Variants in TSHZ3 observed in about 807,000 individuals in gnomAD.
The protein encoded by TSHZ3 is teashirt zinc finger homeobox 3, also known as teashirt homolog 3.
In TSHZ3, 10 loss-of-function variants were observed where a neutral mutation model predicts 64.5. That is an observed-to-expected ratio of 0.16 (90% confidence interval 0.10 to 0.26). The LOEUF is 0.26. TSHZ3 is among the 10% of genes least tolerant of loss of function. The pLI, the probability that TSHZ3 is intolerant of heterozygous loss-of-function variation, is 1.00. For synonymous variants in TSHZ3, 608 were observed against 593.1 expected (o/e 1.03, Z -0.36); for missense variants, 1,242 against 1,421.7 (o/e 0.87, Z 2.03).
Position 31,349,321 on chromosome 19 carries a change from G to T in TSHZ3, c.-102C>A. 8.5e-7 allele frequency: 1 copy of T among 1,176,346 alleles called. No individual in the cohort carries two copies. The highest frequency in any genetic ancestry group is 1.1e-6 in the Non-Finnish European group (1 of 887,502). 72.9% of individuals were successfully genotyped at this position (1,176,346 alleles called of 1,614,324 possible). ...GCCCGCGGGGGGGCGAGGCGGGCCTGCTCTCAGCCTCCCCCCCGGAGAGCG... is the reference window on the plus strand; with the variant it reads ...GCCCGCGGGGGGGCGAGGCGGGCCTTCTCTCAGCCTCCCCCCCGGAGAGCG... On this transcript the variant is annotated 5_prime_UTR_variant, in exon 1 of 2. Transcript: ENST00000240587.
intron 1 of TSHZ3, among the ~76,000 whole-genome samples, chr19:31,339,139 C>T (rs1050998698): frequency 3.3e-5 from 5 of 151,892 alleles, no homozygotes; most frequent in Non-Finnish European, 7.4e-5. Flanking sequence ...TCATTTCTAC[C>T]ACCCTTTGCA....
intron 5 of TSHZ3, among the ~76,000 whole-genome samples, chr19:31,165,642 G>A (rs747976731): frequency 1.4e-4 from 22 of 152,048 alleles, no homozygotes; most frequent in Non-Finnish European, 2.6e-4. Flanking sequence ...TGCACCAAAG[G>A]CTCTGCCCTG....
intron 1 of TSHZ3, among the ~76,000 whole-genome samples, chr19:31,285,861 C>T (rs148117907): frequency 7.7e-4 from 117 of 151,596 alleles, no homozygotes; most frequent in Non-Finnish European, 1.5e-3. Context: ...TCCCTCTATC[C>T]CTCTTTTCTC....
intron 1 of TSHZ3, among the ~76,000 whole-genome samples, chr19:31,263,104 G>C (rs1286479588): frequency 3.9e-5 from 6 of 152,206 alleles, no homozygotes; most frequent in Non-Finnish European, 7.3e-5. Context: ...GCATCGTGAA[G>C]GGTGGTGTGG....
At chr19:31,304,877 T>C (rs773556831) in intron 1 of TSHZ3, among the ~76,000 whole-genome samples, 2 of 152,260 alleles carry the variant, frequency 1.3e-5, no homozygotes, top group Admixed American at 1.3e-4. Flanking sequence ...CGCAGCGCAC[T>C]GGTAACTCCT....
At chr19:31,168,463 C>T (rs757881982) in intron 5 of TSHZ3, among the ~76,000 whole-genome samples, 4 of 152,180 alleles carry the variant, frequency 2.6e-5, no homozygotes, top group Non-Finnish European at 4.4e-5. Context: ...CCAAATTCAC[C>T]CTTTCAAGAT....
chr19:31,331,812 C>A (rs1177812140), intron 1 of TSHZ3, among the ~76,000 whole-genome samples: 2 of 152,148 alleles, frequency 1.3e-5, no homozygotes, highest in Non-Finnish European at 2.9e-5. Flanking sequence ...CACCAGAGCA[C>A]GCTGCACCTT....
intron 1 of TSHZ3, among the ~76,000 whole-genome samples, chr19:31,243,340 G>T (rs1273754006): frequency 1.3e-5 from 2 of 152,000 alleles, no homozygotes; most frequent in Non-Finnish European, 2.9e-5. Flanking sequence ...AATCCATGTT[G>T]GTAACTCAAC....
chr19:31,260,779 C>A (rs776587577), intron 1 of TSHZ3, among the ~76,000 whole-genome samples: 1 of 152,168 alleles, frequency 6.6e-6, no homozygotes, highest in Non-Finnish European at 1.5e-5. Context: ...AGAGAATGGC[C>A]TCCTCTTCCT....
At chr19:31,306,498 T>C (rs1916300029) in intron 1 of TSHZ3, among the ~76,000 whole-genome samples, 1 of 152,144 alleles carries the variant, frequency 6.6e-6, no homozygotes, top group Admixed American at 6.5e-5. Flanking sequence ...ATTGGCTCTT[T>C]TATCTTGAGA....
Position 31,277,592 on chromosome 19 carries a change from C to T in TSHZ3, c.2201G>A (p.Gly734Asp). The T allele has an allele frequency of 6.3e-7, 1 of 1,593,260 alleles. No individual in the cohort carries two copies. Among genetic ancestry groups the T allele is most frequent in the Non-Finnish European group, 8.6e-7 (1 of 1,169,560 alleles). Residue 734 changes from glycine to aspartate, a missense_variant, in exon 2 of 2, where the codon GGC becomes GAC. Coordinates refer to ENST00000240587, the MANE Select transcript of TSHZ3 (RefSeq NM_020856.4). This position sits in a 1 kb window ranked among gnomAD's most constrained non-coding sequence, Gnocchi z 4.5. ...AGGCAGGGAGGGCTTGGCGGCCTTGCCCAGGTGAATGTTCATGACTGACTG... is the reference window on the plus strand; with the variant it reads ...AGGCAGGGAGGGCTTGGCGGCCTTGTCCAGGTGAATGTTCATGACTGACTG... ...ALQSVMNIHL[G>D]KAAKPSLPAL...
At chr19:31,237,764 C>T (rs1161410921) in intron 3 of TSHZ3, among the ~76,000 whole-genome samples, 2 of 152,108 alleles carry the variant, frequency 1.3e-5, no homozygotes, top group African/African-American at 4.8e-5. Flanking sequence ...ATTGCTTTAG[C>T]TGTACACTGC....
chr19:31,250,986 C>A (rs553067026), intron 1 of TSHZ3, among the ~76,000 whole-genome samples: 53 of 152,208 alleles, frequency 3.5e-4, no homozygotes, highest in African/African-American at 1.2e-3. Context: ...CCCTGCCCCA[C>A]CCCACCCACC....
intron 4 of TSHZ3, among the ~76,000 whole-genome samples, chr19:31,216,389 A>G (rs1462409202): frequency 1.3e-5 from 2 of 152,006 alleles, no homozygotes; most frequent in Non-Finnish European, 2.9e-5. Flanking sequence ...CAGTAACACA[A>G]GGTAGTGTGG....
At chr19:31,243,045 A>G (rs1244849649) in intron 1 of TSHZ3, among the ~76,000 whole-genome samples, 2 of 152,158 alleles carry the variant, frequency 1.3e-5, no homozygotes, top group African/African-American at 2.4e-5. Context: ...ACCCAGAAAT[A>G]ATGCTCTATC....
intron 5 of TSHZ3, among the ~76,000 whole-genome samples, chr19:31,195,961 C>T (rs949295921): frequency 2.6e-5 from 4 of 151,840 alleles, no homozygotes; most frequent in Admixed American, 6.6e-5. Context: ...ATAGTATAGC[C>T]TACTGTACAC....
At chr19:31,218,235 CA>C (rs1484159212) in intron 4 of TSHZ3, among the ~76,000 whole-genome samples, 7 of 151,966 alleles carry the variant, frequency 4.6e-5, no homozygotes, top group African/African-American at 1.5e-4. Context: ...AAAAATGGGC[CA>C]AAGACCTTAG....
chr19:31,241,214 GT>G (rs1975684168), intron 3 of TSHZ3, among the ~76,000 whole-genome samples: 1 of 152,134 alleles, frequency 6.6e-6, no homozygotes, highest in Non-Finnish European at 1.5e-5. Context: ...TTGGTTTTAT[GT>G]TTTTTAAATA....
intron 5 of TSHZ3, among the ~76,000 whole-genome samples, chr19:31,196,493 C>T (rs73557523): frequency 0.017 from 2,561 of 151,984 alleles, 81 homozygotes; most frequent in African/African-American, 0.059. Flanking sequence ...ACTTTGAATG[C>T]CAATGGTTAA....
Sources: allele counts gnomAD v4.1 joint callset (sites outside exome capture counted in the v4.1 genomes callset), GRCh38; gene constraint gnomAD v4.1.1; non-coding constraint Gnocchi (gnomAD v3.1); transcripts MANE v1.5; gene names NCBI Gene and HGNC (gene_info 2026-07-23, HGNC 2026-07-21).